The following NBAS variants were observed in gnomAD, a reference collection of about 807,000 sequenced individuals.
The protein encoded by NBAS is NAG/BC035112 fusion.
In NBAS, 219 loss-of-function variants were observed where a neutral mutation model predicts 302.5. That is an observed-to-expected ratio of 0.72 (90% CI 0.65 to 0.81). The LOEUF (loss-of-function observed/expected upper bound fraction) is 0.81. Among genes scored for constraint, NBAS ranks in the 30% least tolerant of loss-of-function variants. NBAS has a pLI of 0.00. For synonymous variants in NBAS, 1,118 were observed against 1,021.6 expected (o/e 1.09, Z -1.80); for missense variants, 2,932 against 2,841.6 (o/e 1.03, Z -0.72).
intron 28 of NBAS, among the ~76,000 whole-genome samples, chr2:15,393,967 T>C (rs1675740598): frequency 6.6e-6 from 1 of 151,932 alleles, no homozygotes; most frequent in Admixed American, 6.6e-5. Flanking sequence ...GGGAGCACGA[T>C]AAAGAAAAGC....
the NBAS span, among the ~76,000 whole-genome samples, chr2:15,044,145 T>C: frequency 6.6e-6 from 1 of 152,308 alleles, no homozygotes; most frequent in African/African-American, 2.4e-5. Flanking sequence ...TTTTTTTTGC[T>C]TAAATATACA....
At chr2:15,340,314 G>A (rs915282228) in intron 35 of NBAS, among the ~76,000 whole-genome samples, 2 of 152,136 alleles carry the variant, frequency 1.3e-5, no homozygotes, top group African/African-American at 4.8e-5. Context: ...AGGTGGGTCA[G>A]CACGATGTCC....
chr2:15,159,359 T>G, the NBAS span, among the ~76,000 whole-genome samples: 1 of 152,324 alleles, frequency 6.6e-6, no homozygotes, highest in East Asian at 1.9e-4. Context: ...ATGAAGGTTA[T>G]GAACGAGGTG....
chr2:15,144,010 G>A, the NBAS span, among the ~76,000 whole-genome samples: 1 of 126,628 alleles, frequency 7.9e-6, no homozygotes, highest in Non-Finnish European at 1.6e-5. Context: ...GTGGTTGTGT[G>A]AGTTAATACT....
the NBAS span, among the ~76,000 whole-genome samples, chr2:15,061,585 G>C: frequency 6.6e-6 from 1 of 152,242 alleles, no homozygotes; most frequent in Non-Finnish European, 1.5e-5. Flanking sequence ...TGGTGGTTGG[G>C]GTACTAATCC....
At chr2:14,929,418 G>T in the NBAS span, among the ~76,000 whole-genome samples, 2 of 152,122 alleles carry the variant, frequency 1.3e-5, no homozygotes, top group Non-Finnish European at 1.5e-5. Flanking sequence ...TCACTCTGTC[G>T]CCAGGCTGGA....
chr2:15,164,652 G>A (rs1379697960), downstream of NBAS, among the ~76,000 whole-genome samples: 2 of 152,148 alleles, frequency 1.3e-5, no homozygotes, highest in Non-Finnish European at 2.9e-5. Context: ...AGAAAGGTTT[G>A]GGATAACTGA....
intron 12 of NBAS, among the ~76,000 whole-genome samples, chr2:15,479,319 T>C (rs1456086982): frequency 1.3e-5 from 2 of 152,166 alleles, no homozygotes; most frequent in African/African-American, 4.8e-5. Context: ...CGAAAAATCA[T>C]TTAAAAAAAT....
the NBAS span, among the ~76,000 whole-genome samples, chr2:15,159,790 C>T: frequency 2.2e-5 from 3 of 136,000 alleles, no homozygotes; most frequent in African/African-American, 8.8e-5. Flanking sequence ...CAGTCATACA[C>T]ACACACACGC....
intron 44 of NBAS, among the ~76,000 whole-genome samples, chr2:15,239,414 T>TAC (rs1283101783): frequency 6.6e-6 from 1 of 150,530 alleles, no homozygotes; most frequent in Non-Finnish European, 1.5e-5. Flanking sequence ...TATATATATA[T>TAC]ATATATGTTG....
At chr2:15,109,993 C>T in the NBAS span, among the ~76,000 whole-genome samples, 66 of 152,036 alleles carry the variant, frequency 4.3e-4, no homozygotes, top group Middle Eastern at 3.4e-3. Context: ...TCTCTTATCC[C>T]CTCAAAAGGT....
the NBAS span, among the ~76,000 whole-genome samples, chr2:15,009,693 C>CATATATATACATATAT: frequency 7.9e-6 from 1 of 126,548 alleles, no homozygotes; most frequent in Non-Finnish European, 1.7e-5. Flanking sequence ...TGTAGGAATG[C>CATATATATACATATAT]ATATATATAT....
chr2:14,870,469 A>G, the NBAS span, among the ~76,000 whole-genome samples: 8 of 152,222 alleles, frequency 5.3e-5, no homozygotes, highest in African/African-American at 1.9e-4. Flanking sequence ...GCTCTAGTGG[A>G]GAAGCCATCT....
the NBAS span, among the ~76,000 whole-genome samples, chr2:14,783,164 A>T: frequency 1.3e-5 from 2 of 152,156 alleles, no homozygotes; most frequent in East Asian, 1.9e-4. Context: ...GGTTTTCCAC[A>T]TTCAATCTGA....
At chr2:15,454,117 G>T (rs1280778454) in intron 21 of NBAS, among the ~76,000 whole-genome samples, 1 of 152,060 alleles carries the variant, frequency 6.6e-6, no homozygotes, top group Non-Finnish European at 1.5e-5. Flanking sequence ...AATCAACAGA[G>T]ATTCCATCAA....
At chr2:14,952,999 C>T in the NBAS span, among the ~76,000 whole-genome samples, 4 of 152,166 alleles carry the variant, frequency 2.6e-5, no homozygotes, top group Non-Finnish European at 4.4e-5. Context: ...GGAGAGGTAG[C>T]AGTTCACCAG....
chr2:15,115,699 G>A, the NBAS span, among the ~76,000 whole-genome samples: 1 of 151,646 alleles, frequency 6.6e-6, no homozygotes, highest in Admixed American at 6.6e-5. Flanking sequence ...TTTTTGTATA[G>A]ACGAAGCTTT....
chr2:15,113,396 C>T, the NBAS span, among the ~76,000 whole-genome samples: 19 of 144,496 alleles, frequency 1.3e-4, no homozygotes, highest in African/African-American at 4.8e-4. Context: ...GGCCTAGAAA[C>T]AATGCCAATC....
At chr2:15,561,102 A>C (rs1664896129) in intron 1 of NBAS, 86 bp downstream of exon 1, 30 of 748,860 alleles carry the variant, frequency 4.0e-5, no homozygotes, top group East Asian at 2.1e-4. Flanking sequence ...ACCCGTCTCC[A>C]CTCCCCTACG....
Sources: gnomAD v4.1 joint callset for allele counts (sites outside exome capture counted in the v4.1 genomes callset) on GRCh38, gnomAD v4.1.1 for gene constraint, MANE v1.5 for transcripts, NCBI Gene and HGNC (gene_info 2026-07-23, HGNC 2026-07-21) for gene names.